SPATA16: variants seen among roughly 807,000 people sequenced by gnomAD.
The protein encoded by SPATA16 is spermatogenesis associated 16, also known as spermatogenesis-associated protein 16.
Under a neutral mutation model 63.3 loss-of-function variants are expected in SPATA16, and 36 were observed. The ratio of observed to expected loss-of-function variants is 0.57; its 90% confidence interval spans 0.44 to 0.75. The LOEUF is 0.75. Among genes scored for constraint, SPATA16 ranks in the 30% least tolerant of loss-of-function variants. SPATA16 has a pLI of 0.00. For synonymous variants in SPATA16, 203 were observed against 216.7 expected, an observed-to-expected ratio of 0.94 and a Z score of 0.56; for missense variants, 646 against 679.3, an observed-to-expected ratio of 0.95 and a Z score of 0.54.
At chr3:172,936,952 C>T (rs1733010568) in intron 6 of SPATA16, among the ~76,000 whole-genome samples, 1 of 152,106 alleles carries the variant, frequency 6.6e-6, no homozygotes, top group Non-Finnish European at 1.5e-5. Context: ...CTCAAGTGAT[C>T]CACCTGCTTC....
rs528398715 is a variant in SPATA16, at chr3:173,115,410, C to T, written c.612+1710G>A. On this transcript the variant is annotated intron_variant, in intron 2 of 10. Transcript: ENST00000351008. ...GCTGAAGATGGCCCTGGCAGAATGG[C>T]CTGGTATTCTTTGTAGAGTCTTTCA... 7.1e-4 allele frequency among the ~76,000 whole-genome samples: 108 copies of T among 152,158 alleles called. 1 individual carries two copies. The highest frequency in any genetic ancestry group is 1.0e-3 in the Non-Finnish European group (69 of 68,022).
intron 2 of SPATA16, among the ~76,000 whole-genome samples, chr3:173,076,711 C>A (rs904715080): frequency 1.3e-5 from 2 of 151,932 alleles, no homozygotes; most frequent in African/African-American, 4.8e-5. Context: ...AAAGAGTTTG[C>A]TCTTAAAAAT....
At chr3:173,018,308 C>T (rs1200681696) in intron 4 of SPATA16, among the ~76,000 whole-genome samples, 3 of 146,862 alleles carry the variant, frequency 2.0e-5, no homozygotes, top group Non-Finnish European at 4.5e-5. Flanking sequence ...GAGTTTCGCT[C>T]TCGTTGCCCA....
chr3:173,065,809 A>G (rs1736505584), intron 2 of SPATA16, among the ~76,000 whole-genome samples: 1 of 152,204 alleles, frequency 6.6e-6, no homozygotes, highest in Non-Finnish European at 1.5e-5. Context: ...GCCCTGGGCC[A>G]GAGGGGAATT....
At chr3:172,976,528 T>C (rs926348340) in intron 5 of SPATA16, among the ~76,000 whole-genome samples, 1 of 152,172 alleles carries the variant, frequency 6.6e-6, no homozygotes, top group African/African-American at 2.4e-5. Context: ...AATTTGATAT[T>C]GGTTAAGTGT....
At chr3:173,010,472 T>TGTG (rs1281653533) in intron 4 of SPATA16, among the ~76,000 whole-genome samples, 58 of 103,740 alleles carry the variant, frequency 5.6e-4, no homozygotes, top group African/African-American at 2.6e-3. Flanking sequence ...GTGTGTGTGT[T>TGTG]TGTTTTTGTT....
At chr3:172,976,632 TGTA>T (rs1430216673) in intron 5 of SPATA16, among the ~76,000 whole-genome samples, 6 of 152,134 alleles carry the variant, frequency 3.9e-5, no homozygotes, top group Non-Finnish European at 7.4e-5. Flanking sequence ...TTTTACAGGC[TGTA>T]GATCAGTAAG....
chr3:173,097,839 A>G (rs958717236), intron 2 of SPATA16, among the ~76,000 whole-genome samples: 5 of 152,212 alleles, frequency 3.3e-5, no homozygotes, highest in African/African-American at 1.2e-4. Context: ...CAACAAAGCC[A>G]GTCTTCAATT....
chr3:173,048,907 C>T (rs1177094561), intron 3 of SPATA16, 42 bp downstream of exon 3: 1 of 1,611,782 alleles, frequency 6.2e-7, no homozygotes, highest in Non-Finnish European at 8.5e-7. Context: ...CCTCCACTAG[C>T]ATGAACAGCA....
intron 4 of SPATA16, among the ~76,000 whole-genome samples, chr3:173,011,867 G>A (rs1324843287): frequency 1.3e-5 from 2 of 152,150 alleles, no homozygotes; most frequent in African/African-American, 4.8e-5. Flanking sequence ...AGGATGGAGT[G>A]CAGTGGCATG....
At chr3:173,037,654 A>T (rs915129155) in intron 3 of SPATA16, among the ~76,000 whole-genome samples, 1 of 152,066 alleles carries the variant, frequency 6.6e-6, no homozygotes, top group Admixed American at 6.6e-5. Flanking sequence ...AGAAAGGTGT[A>T]TGTCACATCT....
At chr3:172,914,303 C>G (rs774779489) in intron 9 of SPATA16, among the ~76,000 whole-genome samples, 4 of 151,950 alleles carry the variant, frequency 2.6e-5, no homozygotes, top group African/African-American at 9.7e-5. Flanking sequence ...ACATTCTAAC[C>G]TTTGCCCCAA....
At chr3:173,079,337 C>T (rs1736876102) in intron 2 of SPATA16, among the ~76,000 whole-genome samples, 1 of 151,982 alleles carries the variant, frequency 6.6e-6, no homozygotes, top group South Asian at 2.1e-4. Context: ...TAAGAAAAAC[C>T]ATGGGCAAGA....
At chr3:172,913,128 A>T (rs1577086636) in intron 10 of SPATA16, among the ~76,000 whole-genome samples, 1 of 152,202 alleles carries the variant, frequency 6.6e-6, no homozygotes, top group East Asian at 1.9e-4. Context: ...GTGTCACACA[A>T]GTCTCCTGAG....
Position 173,117,497 on chromosome 3 carries a change from T to G in SPATA16, c.235A>C (p.Lys79Gln). The G allele has an allele frequency of 6.2e-7, 1 of 1,614,196 alleles. No individual in the cohort carries two copies. The highest frequency in any genetic ancestry group is 1.1e-5 in the South Asian group (1 of 91,084). ...IKEKQSNDLEKAAFKRKAEGE... is the reference protein window; with the variant it reads ...IKEKQSNDLEQAAFKRKAEGE... The stretch of plus-strand genomic sequence containing the variant: ...TCTGCCTTCCGTTTAAAGGCTGCTT[T>G]CTCTAAATCATTGCTTTGTTTTTCT... The change falls in exon 2 of 11, where the codon AAA (lysine) becomes CAA (glutamine). Residue 79 changes from lysine (K) to glutamine (Q), a missense_variant. By Grantham distance (53) the Lys-to-Gln change is moderately conservative. Transcript: ENST00000351008.
At chr3:172,891,559 AC>A (rs1400646192) in intron 10 of SPATA16, among the ~76,000 whole-genome samples, 1 of 152,160 alleles carries the variant, frequency 6.6e-6, no homozygotes, top group Admixed American at 6.5e-5. Context: ...ATCTGATCTC[AC>A]ATCTTTCCCT....
intron 2 of SPATA16, among the ~76,000 whole-genome samples, chr3:173,112,400 C>T (rs13070393): frequency 6.6e-6 from 1 of 152,024 alleles, no homozygotes; most frequent in Non-Finnish European, 1.5e-5. Context: ...CTGGCAAGAT[C>T]TAGAATTTTG....
chr3:172,972,521 T>G (rs572828256), intron 5 of SPATA16, among the ~76,000 whole-genome samples: 20 of 152,196 alleles, frequency 1.3e-4, no homozygotes, highest in Non-Finnish European at 2.5e-4. Context: ...TTACAATTTT[T>G]TAAGAGAAAA....
intron 1 of SPATA16, among the ~76,000 whole-genome samples, chr3:173,121,204 CT>C (rs112905762): frequency 4.1e-3 from 588 of 141,736 alleles, no homozygotes; most frequent in Admixed American, 4.7e-3. Flanking sequence ...GCTGTACAGC[CT>C]TTTTTTTTTT....
Sources: gnomAD v4.1 joint callset for allele counts (sites outside exome capture counted in the v4.1 genomes callset) on GRCh38, gnomAD v4.1.1 for gene constraint, MANE v1.5 for transcripts, NCBI Gene and HGNC (gene_info 2026-07-23, HGNC 2026-07-21) for gene names.